LRRC4C: variants seen among roughly 807,000 people sequenced by gnomAD.
The protein encoded by LRRC4C is leucine-rich repeat-containing protein 4C.
A neutral mutation model predicts 33.6 loss-of-function variants in LRRC4C; 5 were observed. The ratio of observed to expected loss-of-function variants is 0.15; its 90% confidence interval spans 0.08 to 0.31. LRRC4C has a LOEUF of 0.31. Among genes scored for constraint, LRRC4C ranks in the 10% least tolerant of loss-of-function variants. The probability of loss-of-function intolerance (pLI) is 1.00; values close to 1 mark genes in which losing one functional copy is unlikely to be tolerated. For missense variants in LRRC4C, 560 were observed against 796.7 expected (o/e 0.70, Z 3.58); for synonymous variants, 329 against 302.0 (o/e 1.09, Z -0.93).
intron 1 of LRRC4C, among the ~76,000 whole-genome samples, chr11:41,106,247 T>TTGTGTG (rs60022182): frequency 2.4e-4 from 36 of 149,866 alleles, no homozygotes; most frequent in South Asian, 8.5e-4. Context: ...GTCTGCGCAT[T>TTGTGTG]TGTGTGTGTG....
intron 1 of LRRC4C, among the ~76,000 whole-genome samples, chr11:41,106,013 T>A (rs192559228): frequency 2.0e-5 from 3 of 152,238 alleles, no homozygotes; most frequent in South Asian, 4.2e-4. Context: ...TTCATCCTTT[T>A]TTTCTTGATC....
intron 1 of LRRC4C, among the ~76,000 whole-genome samples, chr11:41,183,238 C>G (rs780344587): frequency 1.8e-4 from 27 of 152,240 alleles, no homozygotes; most frequent in Non-Finnish European, 3.1e-4. Context: ...CAACAGTTCC[C>G]CAACGTCTTA....
chr11:40,474,378 T>C (rs1250042854), intron 3 of LRRC4C, among the ~76,000 whole-genome samples: 1 of 152,090 alleles, frequency 6.6e-6, no homozygotes, highest in Non-Finnish European at 1.5e-5. Context: ...TGGCTAGCCA[T>C]ATGCAGAAAA....
chr11:40,157,945 GA>G (rs1858842280), intron 5 of LRRC4C, among the ~76,000 whole-genome samples: 1 of 152,148 alleles, frequency 6.6e-6, no homozygotes, highest in Admixed American at 6.5e-5. Flanking sequence ...GTCATTATTT[GA>G]AAAAGATACT....
chr11:40,236,837 G>A (rs1865598648), intron 5 of LRRC4C, among the ~76,000 whole-genome samples: 2 of 152,026 alleles, frequency 1.3e-5, no homozygotes, highest in South Asian at 4.2e-4. Context: ...AAGACTTCAA[G>A]GTTTATATAT....
intron 5 of LRRC4C, among the ~76,000 whole-genome samples, chr11:40,158,197 T>C (rs997294813): frequency 3.3e-5 from 5 of 152,116 alleles, no homozygotes; most frequent in African/African-American, 1.2e-4. Flanking sequence ...CTCACTGATA[T>C]GTGGGAGCTA....
At chr11:41,195,241 G>A (rs776584781) in intron 1 of LRRC4C, among the ~76,000 whole-genome samples, 1 of 152,022 alleles carries the variant, frequency 6.6e-6, no homozygotes, top group Non-Finnish European at 1.5e-5. Context: ...GCCCATTAAA[G>A]TAAATACTAT....
At chr11:41,033,173 G>A (rs1856827432) in intron 1 of LRRC4C, among the ~76,000 whole-genome samples, 1 of 151,884 alleles carries the variant, frequency 6.6e-6, no homozygotes, top group South Asian at 2.1e-4. Context: ...TCCTCAAGGG[G>A]AATATTGAGG....
At chr11:40,362,601 T>A (rs1170106159) in intron 3 of LRRC4C, among the ~76,000 whole-genome samples, 1 of 152,066 alleles carries the variant, frequency 6.6e-6, no homozygotes, top group Non-Finnish European at 1.5e-5. Context: ...ACGACTGTAG[T>A]TCCAGCTACT....
intron 2 of LRRC4C, among the ~76,000 whole-genome samples, chr11:40,759,755 T>G (rs1949113202): frequency 6.6e-6 from 1 of 152,020 alleles, no homozygotes; most frequent in South Asian, 2.1e-4. Context: ...AATGATATCA[T>G]GTTGATATAA....
At chr11:40,571,991 T>C (rs1332779566) in intron 3 of LRRC4C, among the ~76,000 whole-genome samples, 1 of 152,084 alleles carries the variant, frequency 6.6e-6, no homozygotes, top group Non-Finnish European at 1.5e-5. Context: ...CCCTAACTCC[T>C]TCCAAAGAAT....
intron 3 of LRRC4C, among the ~76,000 whole-genome samples, chr11:40,444,421 A>G (rs1173521045): frequency 1.3e-5 from 2 of 149,096 alleles, no homozygotes; most frequent in Non-Finnish European, 3.0e-5. Flanking sequence ...TGTGCACATG[A>G]TCTTAGAATT....
In LRRC4C at chr11:41,303,924, C is replaced by G. The variant is rs1189318658; in HGVS notation, c.-496+155507G>C. On this transcript the variant is annotated intron_variant, in intron 1 of 6. Coordinates refer to ENST00000528697, the MANE Select transcript of LRRC4C (RefSeq NM_001258419.2). The stretch of plus-strand genomic sequence containing the variant: ...CGGTCTGAGAAGTGAGGAGCCTCTC[C>G]GCCCGGCAGCCACCCCATCTGGGAA... 6.5e-3 allele frequency among the ~76,000 whole-genome samples: 580 copies of G among 89,804 alleles called. 10 individuals are homozygous for G. Among genetic ancestry groups the G allele is most frequent in the Non-Finnish European group, 9.9e-3 (410 of 41,354 alleles). The allele number at this position is 89,804 out of a possible 152,430, so 58.9% of individuals were successfully genotyped here.
At chr11:41,262,748 A>C (rs1231636144) in intron 1 of LRRC4C, among the ~76,000 whole-genome samples, 3 of 152,134 alleles carry the variant, frequency 2.0e-5, no homozygotes, top group Non-Finnish European at 4.4e-5. Flanking sequence ...TTTTGAAATA[A>C]TAGCTTCTGT....
intron 5 of LRRC4C, among the ~76,000 whole-genome samples, chr11:40,211,865 AT>A (rs1244862777): frequency 2.0e-5 from 3 of 152,082 alleles, no homozygotes; most frequent in African/African-American, 4.8e-5. Context: ...GTCACTGTGG[AT>A]CATGTTTTTA....
rs536503734 is a variant in LRRC4C, at chr11:41,184,714, C to CG, written c.-495-250992dup. ...AGTTCCAAAGTTGCTTCCACATTTTCGGGTATCTTTTCAGCAACGTCCCAC... is the reference window on the plus strand; with the variant it reads ...AGTTCCAAAGTTGCTTCCACATTTTCGGGGTATCTTTTCAGCAACGTCCCAC... On this transcript the variant is annotated intron_variant, in intron 1 of 6. Transcript: ENST00000528697. 3.3e-5 allele frequency among the ~76,000 whole-genome samples: 5 copies of CG among 150,974 alleles called. No homozygotes were observed. In the South Asian group the frequency reaches 8.4e-4, roughly 25 times the overall value.
intron 2 of LRRC4C, among the ~76,000 whole-genome samples, chr11:40,798,172 C>T (rs1401511376): frequency 6.6e-6 from 1 of 152,166 alleles, no homozygotes; most frequent in Non-Finnish European, 1.5e-5. Context: ...TTGCAGTACA[C>T]ATCAAATGCA....
intron 4 of LRRC4C, among the ~76,000 whole-genome samples, chr11:40,257,312 T>A (rs146337458): frequency 6.6e-6 from 1 of 152,268 alleles, no homozygotes; most frequent in East Asian, 1.9e-4. Context: ...CTCTCGTTCT[T>A]TCTTCCATGA....
At chr11:41,185,474 A>T (rs1029272925) in intron 1 of LRRC4C, among the ~76,000 whole-genome samples, 1 of 152,206 alleles carries the variant, frequency 6.6e-6, no homozygotes, top group Non-Finnish European at 1.5e-5. Context: ...AGGAAAGTAA[A>T]ACAGAAAATC....
Sources: allele counts gnomAD v4.1 joint callset (sites outside exome capture counted in the v4.1 genomes callset), GRCh38; gene constraint gnomAD v4.1.1; transcripts MANE v1.5; gene names NCBI Gene and HGNC (gene_info 2026-07-23, HGNC 2026-07-21).